Variants in TAFA1 observed in about 807,000 individuals in gnomAD.
TAFA1 encodes the protein chemokine-like protein TAFA-1.
TAFA1 carries 4 observed loss-of-function variants against 18.5 expected under a neutral mutation model. That is an observed-to-expected ratio of 0.22 (90% confidence interval 0.11 to 0.49). TAFA1 has a LOEUF of 0.49. Among genes scored for constraint, TAFA1 ranks in the 20% least tolerant of loss-of-function variants. TAFA1 has a pLI of 0.98. For missense variants in TAFA1, 147 were observed against 169.0 expected, an observed-to-expected ratio of 0.87 and a Z score of 0.72; for synonymous variants, 56 against 55.2, an observed-to-expected ratio of 1.01 and a Z score of -0.06.
intron 2 of TAFA1, among the ~76,000 whole-genome samples, chr3:68,102,335 T>A (rs1256788132): frequency 2.0e-5 from 3 of 152,178 alleles, no homozygotes; most frequent in African/African-American, 7.2e-5. Context: ...GCTACTTTTT[T>A]ACTACCATTT....
chr3:68,193,104 GA>G (rs956862844), intron 2 of TAFA1, among the ~76,000 whole-genome samples: 1 of 151,570 alleles, frequency 6.6e-6, no homozygotes, highest in Non-Finnish European at 1.5e-5. Context: ...TAAGTATGAG[GA>G]ATTAGTCACA....
At chr3:68,331,359 A>G (rs1471042588) in intron 2 of TAFA1, among the ~76,000 whole-genome samples, 2 of 152,144 alleles carry the variant, frequency 1.3e-5, no homozygotes, top group East Asian at 1.9e-4. Context: ...CTCAAACTAG[A>G]TAGTGGTGAT....
chr3:68,224,896 CTTTTTTTTTTT>C (rs71112624), intron 2 of TAFA1, among the ~76,000 whole-genome samples: 2 of 46,338 alleles, frequency 4.3e-5, no homozygotes, highest in African/African-American at 1.1e-4. Context: ...GCTTGTGGCA[CTTTTTTTTTTT>C]TTTTTTTTTT....
At chr3:68,153,465 G>A (rs1193882841) in intron 2 of TAFA1, among the ~76,000 whole-genome samples, 2 of 152,274 alleles carry the variant, frequency 1.3e-5, no homozygotes, top group East Asian at 3.9e-4. Flanking sequence ...ATTTTGCTGG[G>A]AAAGCTGAAA....
chr3:68,405,880 C>A (rs139333109), intron 2 of TAFA1, among the ~76,000 whole-genome samples: 1 of 151,940 alleles, frequency 6.6e-6, no homozygotes, highest in East Asian at 1.9e-4. Flanking sequence ...AGAATTCTAC[C>A]CTTTCATCCT....
chr3:68,119,706 G>C (rs1471032623), intron 2 of TAFA1, among the ~76,000 whole-genome samples: 3 of 152,064 alleles, frequency 2.0e-5, no homozygotes, highest in Non-Finnish European at 4.4e-5. Context: ...GCTTATTTCA[G>C]AGTGCTCTAA....
At chr3:68,071,716 A>T (rs1439332103) in intron 2 of TAFA1, among the ~76,000 whole-genome samples, 1 of 152,170 alleles carries the variant, frequency 6.6e-6, no homozygotes, top group Non-Finnish European at 1.5e-5. Flanking sequence ...AAAAGATTTA[A>T]TTGGCTCATG....
intron 2 of TAFA1, among the ~76,000 whole-genome samples, chr3:68,266,627 A>G (rs776963610): frequency 4.6e-5 from 7 of 152,072 alleles, no homozygotes; most frequent in Non-Finnish European, 8.8e-5. Context: ...GCTGCAAACT[A>G]TGTGATGTGG....
intron 3 of TAFA1, among the ~76,000 whole-genome samples, chr3:68,435,517 T>C (rs2071253584): frequency 6.6e-6 from 1 of 152,180 alleles, no homozygotes; most frequent in Admixed American, 6.6e-5. Context: ...ATAATTGCTA[T>C]TCATTGTACT....
At chr3:68,416,557 A>G (rs891650617) in intron 2 of TAFA1, among the ~76,000 whole-genome samples, 4 of 152,170 alleles carry the variant, frequency 2.6e-5, no homozygotes, top group Admixed American at 1.3e-4. Context: ...ACCCACTTGG[A>G]TGCTTATCAG....
intron 2 of TAFA1, among the ~76,000 whole-genome samples, chr3:68,105,534 C>T (rs2065193349): frequency 6.6e-6 from 1 of 151,906 alleles, no homozygotes; most frequent in Non-Finnish European, 1.5e-5. Context: ...CCAAATAAAG[C>T]AAAAGAGATG....
chr3:68,249,290 C>T (rs180888234), intron 2 of TAFA1, among the ~76,000 whole-genome samples: 27 of 152,308 alleles, frequency 1.8e-4, no homozygotes, highest in Admixed American at 1.4e-3. Context: ...GCCCTCACTA[C>T]CGGGCAGACC....
intron 2 of TAFA1, among the ~76,000 whole-genome samples, chr3:68,404,516 AG>A: frequency 6.6e-6 from 1 of 152,234 alleles, no homozygotes; most frequent in South Asian, 2.1e-4. Flanking sequence ...AAAAAGAGAA[AG>A]GGCTGGGTGT....
chr3:68,415,362 T>C (rs2070810760), intron 2 of TAFA1, among the ~76,000 whole-genome samples: 1 of 152,082 alleles, frequency 6.6e-6, no homozygotes, highest in Non-Finnish European at 1.5e-5. Flanking sequence ...CATGAACAAC[T>C]AAACACAGGA....
intron 2 of TAFA1, among the ~76,000 whole-genome samples, chr3:68,328,996 A>G (rs1296520270): frequency 6.6e-6 from 1 of 151,904 alleles, no homozygotes; most frequent in Admixed American, 6.6e-5. Flanking sequence ...AAGTAACCCC[A>G]TGATGTTACT....
At chr3:68,506,262 C>A (rs377629759) in intron 3 of TAFA1, among the ~76,000 whole-genome samples, 1 of 152,040 alleles carries the variant, frequency 6.6e-6, no homozygotes, top group Non-Finnish European at 1.5e-5. Context: ...TGTATATATG[C>A]CACATTTTCT....
chr3:68,302,373 A>T (rs2068320427), intron 2 of TAFA1, among the ~76,000 whole-genome samples: 1 of 152,128 alleles, frequency 6.6e-6, no homozygotes, highest in Admixed American at 6.6e-5. Flanking sequence ...CTTCCCACTC[A>T]GAGAATGCCT....
intron 2 of TAFA1, among the ~76,000 whole-genome samples, chr3:68,316,472 G>A (rs749492989): frequency 6.6e-5 from 10 of 152,240 alleles, no homozygotes; most frequent in South Asian, 4.1e-4. Flanking sequence ...AATGTTGTTC[G>A]GGCTTTTCAT....
Position 68,220,798 on chromosome 3 carries a change from A to G in TAFA1, c.119-196482A>G, listed in dbSNP as rs150086407. ...TATTCCTTCATCATTTTCTTGCTGC[A>G]CTGCTGTCTCTAAGGGTCACTCACA... On this transcript the variant is annotated intron_variant, in intron 2 of 4. Transcript: ENST00000478136. Among the ~76,000 whole-genome samples the G allele has an allele frequency of 1.4e-4, 21 of 152,142 alleles. No homozygotes were observed. In the East Asian group the frequency reaches 4.1e-3, roughly 29 times the overall value.
Sources: gnomAD v4.1 joint callset for allele counts (sites outside exome capture counted in the v4.1 genomes callset) on GRCh38, gnomAD v4.1.1 for gene constraint, MANE v1.5 for transcripts, NCBI Gene and HGNC (gene_info 2026-07-23, HGNC 2026-07-21) for gene names.